The following CHCHD3 variants were observed in gnomAD, a reference collection of about 807,000 sequenced individuals.
CHCHD3 encodes MICOS complex subunit MIC19.
In CHCHD3, 20 loss-of-function variants were observed where a neutral mutation model predicts 38.2. The observed-to-expected ratio is 0.52, with a 90% CI of 0.37 to 0.76. The LOEUF (loss-of-function observed/expected upper bound fraction) is 0.76. CHCHD3 is among the 30% of genes least tolerant of loss of function. The pLI is 0.00. For synonymous variants in CHCHD3, 82 were observed against 100.0 expected (o/e 0.82, Z 1.07); for missense variants, 245 against 279.2 (o/e 0.88, Z 0.87).
rs114240272 is a variant in CHCHD3 at position 133,039,155 on chromosome 7, C to T, written c.170-14528G>A. Among the ~76,000 whole-genome samples, 1,486 of 152,138 alleles carry T rather than the reference C, an allele frequency of 9.8e-3. 26 individuals carry two copies. The highest frequency in any genetic ancestry group is 0.034 in the African/African-American group (1,399 of 41,504). ...TTTTAAGTTGCTTAGTCCATGCACACGCCACAATCAACTGGCTAAGACAAA... is the reference window on the plus strand; with the variant it reads ...TTTTAAGTTGCTTAGTCCATGCACATGCCACAATCAACTGGCTAAGACAAA... On this transcript the variant is annotated intron_variant, in intron 2 of 7. Coordinates refer to ENST00000262570, the MANE Select transcript of CHCHD3 (RefSeq NM_017812.4).
chr7:133,045,520 C>T (rs948017260), intron 2 of CHCHD3, among the ~76,000 whole-genome samples: 1 of 152,160 alleles, frequency 6.6e-6, no homozygotes, highest in African/African-American at 2.4e-5. Context: ...AAATAACAAA[C>T]TTCAATATGA....
At chr7:133,002,077 A>C (rs1008423923) in intron 3 of CHCHD3, among the ~76,000 whole-genome samples, 1 of 152,130 alleles carries the variant, frequency 6.6e-6, no homozygotes, top group African/African-American at 2.4e-5. Context: ...GTGGTCTCAG[A>C]ACTAGTAACC....
At chr7:133,003,871 C>A (rs1302187903) in intron 3 of CHCHD3, among the ~76,000 whole-genome samples, 3 of 152,122 alleles carry the variant, frequency 2.0e-5, no homozygotes, top group Non-Finnish European at 4.4e-5. Flanking sequence ...CTAACATTAA[C>A]CCTTTTTAAA....
chr7:132,898,594 G>A (rs961428262), intron 4 of CHCHD3, among the ~76,000 whole-genome samples: 2 of 152,240 alleles, frequency 1.3e-5, no homozygotes, highest in African/African-American at 2.4e-5. Flanking sequence ...CCAGTCCCGC[G>A]CCGTGCGCCC....
chr7:132,907,530 G>A (rs536585212), intron 4 of CHCHD3, among the ~76,000 whole-genome samples: 1 of 152,310 alleles, frequency 6.6e-6, no homozygotes, highest in East Asian at 1.9e-4. Flanking sequence ...CAGAGACACA[G>A]AGAAGGGAAG....
intron 4 of CHCHD3, among the ~76,000 whole-genome samples, chr7:132,942,324 G>C (rs1279125836): frequency 6.6e-6 from 1 of 152,142 alleles, no homozygotes; most frequent in African/African-American, 2.4e-5. Flanking sequence ...ATGTGTAACA[G>C]TTTAATGGAG....
intron 4 of CHCHD3, among the ~76,000 whole-genome samples, chr7:132,913,043 G>C (rs1809996023): frequency 6.6e-6 from 1 of 152,182 alleles, no homozygotes; most frequent in Non-Finnish European, 1.5e-5. Flanking sequence ...AAATGACACT[G>C]TCTACCATGT....
chr7:132,988,700 A>C (rs1030757985), intron 3 of CHCHD3, among the ~76,000 whole-genome samples: 4 of 152,034 alleles, frequency 2.6e-5, no homozygotes, highest in African/African-American at 2.4e-5. Context: ...GATCACTTGA[A>C]GCCAGGAGTT....
chr7:132,831,323 T>C (rs1807644061), intron 6 of CHCHD3, among the ~76,000 whole-genome samples: 1 of 152,214 alleles, frequency 6.6e-6, no homozygotes, highest in Non-Finnish European at 1.5e-5. Flanking sequence ...AGATACACCA[T>C]TTGATCATTT....
chr7:133,081,241 C>T (rs1397691382), intron 1 of CHCHD3, among the ~76,000 whole-genome samples: 1 of 152,106 alleles, frequency 6.6e-6, no homozygotes, highest in Admixed American at 6.6e-5. Context: ...AAAACTTCGG[C>T]GCAGCAGGTC....
intron 3 of CHCHD3, among the ~76,000 whole-genome samples, chr7:133,013,078 T>C (rs910141263): frequency 8.2e-5 from 12 of 146,920 alleles, no homozygotes; most frequent in African/African-American, 3.0e-4. Context: ...CTCAGCTACT[T>C]GGGAGGCTGA....
chr7:132,859,095 G>A (rs10954390), intron 5 of CHCHD3, among the ~76,000 whole-genome samples: 35,091 of 152,040 alleles, frequency 0.23, 4,232 homozygotes, highest in South Asian at 0.26. Context: ...CCAGATCACT[G>A]TATTGAATGC....
chr7:132,913,569 T>C (rs988864292), intron 4 of CHCHD3, among the ~76,000 whole-genome samples: 3 of 152,220 alleles, frequency 2.0e-5, no homozygotes, highest in African/African-American at 7.2e-5. Context: ...CAGTCTTCTT[T>C]ACATTGGCTA....
chr7:132,910,964 G>A (rs1247854120), intron 4 of CHCHD3, among the ~76,000 whole-genome samples: 1 of 152,154 alleles, frequency 6.6e-6, no homozygotes, highest in Admixed American at 6.6e-5. Flanking sequence ...GTAACACAAG[G>A]AGAAGAAAAA....
At chr7:132,826,934 A>G (rs1807523181) in intron 6 of CHCHD3, among the ~76,000 whole-genome samples, 1 of 152,220 alleles carries the variant, frequency 6.6e-6, no homozygotes. Flanking sequence ...ATGGGGGGAA[A>G]AAAGACTGAT....
intron 4 of CHCHD3, among the ~76,000 whole-genome samples, chr7:132,970,536 A>ATTTTC (rs1811587899): frequency 1.3e-5 from 2 of 152,240 alleles, no homozygotes; most frequent in Non-Finnish European, 2.9e-5. Context: ...TATAAGTAGC[A>ATTTTC]TGGCTCTATA....
At chr7:133,057,327 T>C (rs1244633604) in intron 2 of CHCHD3, among the ~76,000 whole-genome samples, 1 of 152,174 alleles carries the variant, frequency 6.6e-6, no homozygotes, top group Non-Finnish European at 1.5e-5. Context: ...TTTGTGAAGC[T>C]GAGACAGAAG....
At chr7:132,902,782 C>T (rs895746429) in intron 4 of CHCHD3, among the ~76,000 whole-genome samples, 3 of 151,954 alleles carry the variant, frequency 2.0e-5, no homozygotes, top group Non-Finnish European at 4.4e-5. Context: ...CAAACCTACA[C>T]GTTGTGCACA....
intron 4 of CHCHD3, among the ~76,000 whole-genome samples, chr7:132,935,791 A>G (rs1054415531): frequency 1.3e-5 from 2 of 152,216 alleles, no homozygotes; most frequent in Admixed American, 6.5e-5. Context: ...GGTAATTTGT[A>G]AAGAAAAGAA....
Sources: gnomAD v4.1 joint callset for allele counts (sites outside exome capture counted in the v4.1 genomes callset) on GRCh38, gnomAD v4.1.1 for gene constraint, MANE v1.5 for transcripts, NCBI Gene and HGNC (gene_info 2026-07-23, HGNC 2026-07-21) for gene names.